SNRPN: variants seen among roughly 807,000 people sequenced by gnomAD.
The protein encoded by SNRPN is small nuclear ribonucleoprotein polypeptide N.
Under a neutral mutation model 25.2 loss-of-function variants are expected in SNRPN, and 7 were observed. The observed-to-expected ratio is 0.28, with a 90% confidence interval of 0.16 to 0.52. The LOEUF is 0.52. Among genes scored for constraint, SNRPN ranks in the 20% least tolerant of loss-of-function variants. SNRPN has a pLI of 0.96. For missense variants in SNRPN, 196 were observed against 322.5 expected, an observed-to-expected ratio of 0.61 and a Z score of 3.00; for synonymous variants, 124 against 110.6, an observed-to-expected ratio of 1.12 and a Z score of -0.76.
intron 2 of SNRPN, among the ~76,000 whole-genome samples, chr15:24,833,442 G>A (rs4028400): frequency 0.57 from 86,245 of 151,486 alleles, 24,852 homozygotes; most frequent in East Asian, 0.83. Context: ...ACTAATGCAC[G>A]GATTAAACTA....
chr15:24,843,117 A>G (rs1350363483), intron 2 of SNRPN, among the ~76,000 whole-genome samples: 3 of 152,054 alleles, frequency 2.0e-5, no homozygotes, highest in African/African-American at 4.8e-5. Context: ...CCTGTTGCCC[A>G]GGTTGGAGTG....
At chr15:24,962,243 T>G (rs1424283475) in intron 2 of SNRPN, 34 bp downstream of exon 2, 5 of 1,551,442 alleles carry the variant, frequency 3.2e-6, no homozygotes, top group Non-Finnish European at 4.5e-6. Flanking sequence ...CAAATGCAAG[T>G]CAGAATCTCC....
In SNRPN at chr15:24,902,883, G is replaced by A. The variant is rs138557401; in HGVS notation, c.-505+16294G>A. ...AGCAAAAGAACAATGCTTCCACAGC[G>A]TGGAAAGGGACCCCAGTGGGTTGCC... On this transcript the variant is annotated intron_variant, in intron 2 of 11. Transcript: ENST00000400097. 8.0e-3 allele frequency among the ~76,000 whole-genome samples: 1,222 copies of A among 152,336 alleles called. 14 individuals carry two copies. Among genetic ancestry groups the A allele is most frequent in the Non-Finnish European group, 0.013 (883 of 68,026 alleles).
At position 24,955,019 on chromosome 15, in the gene SNRPN, G is replaced by A. The variant is rs199920294; in HGVS notation, c.-434G>A. On this transcript the variant is annotated 5_prime_UTR_variant, in exon 1 of 10. Coordinates refer to ENST00000390687, the MANE Select transcript of SNRPN (RefSeq NM_003097.6). Reference sequence around the variant, plus strand: ...GGAGCGGCCGCCGGAGATGCCTGACGCATCTGTCTGAGGAGCGGTCAGTGA... The same window carrying A: ...GGAGCGGCCGCCGGAGATGCCTGACACATCTGTCTGAGGAGCGGTCAGTGA... The A allele has an allele frequency of 1.4e-5, 23 of 1,612,164 alleles. No homozygotes were observed. The highest frequency in any genetic ancestry group is 2.0e-4 in the Middle Eastern group (1 of 5,076).
intron 2 of SNRPN, among the ~76,000 whole-genome samples, chr15:24,887,880 C>CA: frequency 6.6e-6 from 1 of 151,990 alleles, no homozygotes; most frequent in Admixed American, 6.6e-5. Context: ...TGGAGTCAGG[C>CA]AGAGAGGACC....
chr15:24,965,118 G>T (rs965313579), intron 2 of SNRPN, among the ~76,000 whole-genome samples: 1 of 152,130 alleles, frequency 6.6e-6, no homozygotes, highest in African/African-American at 2.4e-5. Context: ...CTCAGGATTG[G>T]TATACTTAGA....
chr15:24,922,680 G>A (rs139288817), intron 3 of SNRPN, among the ~76,000 whole-genome samples: 1 of 152,056 alleles, frequency 6.6e-6, no homozygotes, highest in East Asian at 1.9e-4. Flanking sequence ...TTTTCCACTT[G>A]ATATTGCATT....
chr15:24,938,581 A>G (rs1297667711), intron 3 of SNRPN, among the ~76,000 whole-genome samples: 1 of 152,162 alleles, frequency 6.6e-6, no homozygotes, highest in Non-Finnish European at 1.5e-5. Context: ...GGCCAATTGA[A>G]GATTTTTATT....
At chr15:24,907,087 G>A (rs1288186387) in intron 2 of SNRPN, among the ~76,000 whole-genome samples, 1 of 152,142 alleles carries the variant, frequency 6.6e-6, no homozygotes, top group Non-Finnish European at 1.5e-5. Flanking sequence ...CATATCGTAA[G>A]CAGGGATTTG....
upstream of SNRPN, among the ~76,000 whole-genome samples, chr15:24,952,113 A>C (rs1342641635): frequency 6.6e-6 from 1 of 152,164 alleles, no homozygotes; most frequent in Non-Finnish European, 1.5e-5. Flanking sequence ...ACACATACAC[A>C]AATGTTATAT....
At chr15:24,959,113 T>A (rs2074361194) in intron 1 of SNRPN, among the ~76,000 whole-genome samples, 1 of 152,228 alleles carries the variant, frequency 6.6e-6, no homozygotes, top group Non-Finnish European at 1.5e-5. Context: ...TGCTTTTCAA[T>A]ATATTTCCGG....
rs1297941569 is a variant in SNRPN at position 24,976,343 on chromosome 15, G to A, written c.194G>A (p.Arg65Gln). 1 of 1,613,494 alleles carries A rather than the reference G, an allele frequency of 6.2e-7. No individual in the cohort carries two copies. ...NAKQPEREEK[R>Q]VLGLVLLRGE... ...AAGCAACCAGAGCGTGAAGAAAAGC[G>A]GGTTTTGGGTCTGGTGTTGCTGCGT... The change falls in exon 6 of 10, where the codon CGG becomes CAG. Residue 65 changes from arginine to glutamine, a missense_variant. Physicochemically the swap from Arg to Gln is conservative, Grantham distance 43. Coordinates refer to ENST00000390687, the MANE Select transcript of SNRPN (RefSeq NM_003097.6).
chr15:24,907,135 G>T (rs1222029321), intron 2 of SNRPN, among the ~76,000 whole-genome samples: 1 of 152,180 alleles, frequency 6.6e-6, no homozygotes, highest in South Asian at 2.1e-4. Context: ...CATCCCAAGG[G>T]AGAAGCAGAA....
At chr15:24,967,780 C>T in intron 2 of SNRPN, 152 bp from the exon 3 acceptor site, 2 of 672,466 alleles carry the variant, frequency 3.0e-6, no homozygotes, top group Admixed American at 5.1e-5. Context: ...TGCACTCCAG[C>T]CTGGGCAACA....
At chr15:24,933,126 G>A (rs1184361247) in intron 3 of SNRPN, among the ~76,000 whole-genome samples, 1 of 152,148 alleles carries the variant, frequency 6.6e-6, no homozygotes, top group Non-Finnish European at 1.5e-5. Flanking sequence ...GGGCTTGGAG[G>A]TGCGTGCTGA....
intron 1 of SNRPN, among the ~76,000 whole-genome samples, chr15:24,860,000 G>C (rs908068284): frequency 1.1e-4 from 16 of 152,256 alleles, no homozygotes; most frequent in African/African-American, 3.6e-4. Flanking sequence ...CCTGTATCTT[G>C]TGCCAGTCTC....
intron 3 of SNRPN, among the ~76,000 whole-genome samples, chr15:24,946,836 C>A (rs1240323045): frequency 1.3e-5 from 2 of 152,114 alleles, no homozygotes; most frequent in Non-Finnish European, 2.9e-5. Context: ...GAATCCAGAA[C>A]ATGATTTTTA....
chr15:24,868,121 G>GTGTATA (rs139530727), intron 1 of SNRPN, among the ~76,000 whole-genome samples: 127 of 145,976 alleles, frequency 8.7e-4, no homozygotes, highest in Non-Finnish European at 1.3e-3. Context: ...GTGTGTGTGT[G>GTGTATA]TATATATATA....
At chr15:24,951,800 G>A (rs987471206), upstream of SNRPN, among the ~76,000 whole-genome samples, 7 of 152,066 alleles carry the variant, frequency 4.6e-5, no homozygotes, top group Non-Finnish European at 8.8e-5. Flanking sequence ...GAGTCACTGC[G>A]CCCAGCCAAG....
Sources: allele counts gnomAD v4.1 joint callset (sites outside exome capture counted in the v4.1 genomes callset), GRCh38; gene constraint gnomAD v4.1.1; transcripts MANE v1.5; gene names NCBI Gene and HGNC (gene_info 2026-07-23, HGNC 2026-07-21).